Variants in SLC7A14 observed in about 807,000 individuals in gnomAD.
The protein encoded by SLC7A14 is gamma-aminobutyric acid transporter SLC7A14.
In SLC7A14, 37 loss-of-function variants were observed where a neutral mutation model predicts 60.2. That is an observed-to-expected ratio of 0.61 (90% CI 0.47 to 0.81). The LOEUF (loss-of-function observed/expected upper bound fraction) is 0.81, where lower values mean the gene tolerates loss of function less well. SLC7A14 is among the 30% of genes least tolerant of loss of function. The probability of loss-of-function intolerance (pLI) is 0.00; values close to 1 mark genes in which losing one functional copy is unlikely to be tolerated. For missense variants in SLC7A14, 886 were observed against 982.7 expected (o/e 0.90, Z 1.32); for synonymous variants, 399 against 395.8 (o/e 1.01, Z -0.10).
At chr3:170,577,432 C>A (rs2108317848) in intron 1 of SLC7A14, among the ~76,000 whole-genome samples, 1 of 151,348 alleles carries the variant, frequency 6.6e-6, no homozygotes. Flanking sequence ...TCCTGGCTAA[C>A]AAGGTGAAAC....
chr3:170,516,213 T>G (rs945998083), intron 2 of SLC7A14, among the ~76,000 whole-genome samples: 1 of 152,198 alleles, frequency 6.6e-6, no homozygotes, highest in East Asian at 1.9e-4. Context: ...GATCCCTATA[T>G]AGAAGAGCTA....
At chr3:170,580,383 C>G (rs1272445607) in intron 1 of SLC7A14, among the ~76,000 whole-genome samples, 1 of 152,176 alleles carries the variant, frequency 6.6e-6, no homozygotes, top group African/African-American at 2.4e-5. Flanking sequence ...GGCATTTTCC[C>G]CTTTCCAAAA....
At chr3:170,491,461 T>G (rs1470136042) in intron 4 of SLC7A14, among the ~76,000 whole-genome samples, 2 of 152,152 alleles carry the variant, frequency 1.3e-5, no homozygotes, top group Non-Finnish European at 2.9e-5. Flanking sequence ...CAAGATAATT[T>G]ATTAATAACG....
At chr3:170,485,924 C>A (rs1459395456) in intron 5 of SLC7A14, among the ~76,000 whole-genome samples, 1 of 152,152 alleles carries the variant, frequency 6.6e-6, no homozygotes, top group East Asian at 1.9e-4. Flanking sequence ...GACCTGAGCT[C>A]CTTGGATGGC....
At chr3:170,552,935 T>C (rs541529968) in intron 1 of SLC7A14, among the ~76,000 whole-genome samples, 2 of 152,350 alleles carry the variant, frequency 1.3e-5, no homozygotes, top group South Asian at 4.1e-4. Context: ...TGTGAGATTA[T>C]TGATCTCCAC....
Position 170,585,564 on chromosome 3 carries a change from C to T in SLC7A14, c.-153+347G>A, listed in dbSNP as rs931156854. Reference sequence around the variant, plus strand: ...ACCTAGGCTGCCCGCATTCCGCTCGCGGCTCCCCTTCTGCCTCCCGCTCTA... The same window carrying T: ...ACCTAGGCTGCCCGCATTCCGCTCGTGGCTCCCCTTCTGCCTCCCGCTCTA... On this transcript the variant is annotated intron_variant, in intron 1 of 7. Coordinates refer to ENST00000231706, the MANE Select transcript of SLC7A14 (RefSeq NM_020949.3). The surrounding 1 kb of genome is among the most constrained non-coding windows in gnomAD (Gnocchi z 5.1). Among the ~76,000 whole-genome samples the T allele has an allele frequency of 1.3e-5, 2 of 152,158 alleles. No individual in the cohort carries two copies. The highest frequency in any genetic ancestry group is 2.9e-5 in the Non-Finnish European group (2 of 68,020).
chr3:170,483,902 C>T (rs970448169), intron 5 of SLC7A14, among the ~76,000 whole-genome samples: 1 of 152,204 alleles, frequency 6.6e-6, no homozygotes, highest in African/African-American at 2.4e-5. Flanking sequence ...TGGCAGGGAC[C>T]ATGAGCACCC....
At chr3:170,508,245 G>A (rs1040960750) in intron 2 of SLC7A14, among the ~76,000 whole-genome samples, 2 of 152,198 alleles carry the variant, frequency 1.3e-5, no homozygotes, top group African/African-American at 4.8e-5. Context: ...CAGAAAGACT[G>A]TCCAAAAGGA....
rs563257501 is a variant in SLC7A14, at chr3:170,523,449, C to T, written c.304+3184G>A. Among the ~76,000 whole-genome samples, 24 of 152,278 alleles carry T rather than the reference C, an allele frequency of 1.6e-4. 1 individual carries two copies. In the East Asian group the frequency reaches 3.5e-3, roughly 22 times the overall value. ...GATTCCACCACTTTTCATGAGTCAT[C>T]GTCACTCTTGTGTTTCACTTCCCTT... On this transcript the variant is annotated intron_variant, in intron 2 of 7. Transcript: ENST00000231706.
chr3:170,515,318 C>CA (rs1264936349), intron 2 of SLC7A14, among the ~76,000 whole-genome samples: 3 of 96,608 alleles, frequency 3.1e-5, no homozygotes, highest in African/African-American at 4.6e-5. Flanking sequence ...GTCCGCCCCC[C>CA]CCAAAAAAAA....
intron 1 of SLC7A14, among the ~76,000 whole-genome samples, chr3:170,534,154 T>G (rs1399841861): frequency 6.6e-6 from 1 of 152,238 alleles, no homozygotes; most frequent in Non-Finnish European, 1.5e-5. Flanking sequence ...TGGTGATGTT[T>G]GTCTCTTGCT....
intron 2 of SLC7A14, among the ~76,000 whole-genome samples, chr3:170,508,275 T>C (rs1240951480): frequency 6.6e-6 from 1 of 152,116 alleles, no homozygotes; most frequent in Non-Finnish European, 1.5e-5. Flanking sequence ...TCAAGAATTA[T>C]GAGAGGGAGT....
In SLC7A14 at chr3:170,480,366, G is replaced by T. The variant is rs1171375194; in HGVS notation, c.1916C>A (p.Ala639Asp). 1 of 1,605,432 alleles carries T rather than the reference G, an allele frequency of 6.2e-7. No individual in the cohort carries two copies. Among genetic ancestry groups the T allele is most frequent in the South Asian group, 1.1e-5 (1 of 89,622 alleles). ...APCLPFVPAFAMLVNIYLMLK... is the reference protein window; with the variant it reads ...APCLPFVPAFDMLVNIYLMLK... ...CATGAGATAGATGTTCACCAGCATGGCAAAGGCAGGCACAAAGGGGAGGCA... is the reference window on the plus strand; with the variant it reads ...CATGAGATAGATGTTCACCAGCATGTCAAAGGCAGGCACAAAGGGGAGGCA... The change falls in exon 7 of 8, where the codon GCC becomes GAC. Residue 639 changes from alanine to aspartate, a missense_variant. By Grantham distance (126) the Ala-to-Asp change is moderately radical. Transcript: ENST00000231706.
intron 1 of SLC7A14, among the ~76,000 whole-genome samples, chr3:170,556,575 A>G (rs1714490295): frequency 6.6e-6 from 1 of 152,198 alleles, no homozygotes; most frequent in Non-Finnish European, 1.5e-5. Context: ...ATCTCAGTAA[A>G]TCACTTAGGC....
intron 2 of SLC7A14, among the ~76,000 whole-genome samples, chr3:170,518,101 T>G (rs1324821049): frequency 6.6e-6 from 1 of 152,184 alleles, no homozygotes; most frequent in Non-Finnish European, 1.5e-5. Flanking sequence ...GGAAGCTCCT[T>G]TAACCTCTGA....
At position 170,563,577 on chromosome 3, in the gene SLC7A14, C is replaced by G. The variant is rs545164152; in HGVS notation, c.-153+22334G>C. Among the ~76,000 whole-genome samples the G allele has an allele frequency of 1.1e-4, 16 of 152,080 alleles. No homozygotes were observed. In the East Asian group the frequency reaches 3.1e-3, roughly 29 times the overall value. On this transcript the variant is annotated intron_variant, in intron 1 of 7. Transcript: ENST00000231706. The stretch of plus-strand genomic sequence containing the variant: ...GGATTACAGGCACCCACCATCATGC[C>G]CAGCTAATTTTTGTATTTTTTTTAG...
Position 170,467,228 on chromosome 3 carries a change from C to A in SLC7A14, c.2143G>T (p.Glu715Ter), listed in dbSNP as rs530931888. The A allele has an allele frequency of 6.2e-7, 1 of 1,614,136 alleles. No individual in the cohort carries two copies. The highest frequency in any genetic ancestry group is 8.5e-7 in the Non-Finnish European group (1 of 1,180,054). ...GGCCCGCCCCAGTCCTCCTGGCTCTCGCCCTCTGTGGCGTAGGAGAAACCC... is the reference window on the plus strand; with the variant it reads ...GGCCCGCCCCAGTCCTCCTGGCTCTAGCCCTCTGTGGCGTAGGAGAAACCC... Reference protein sequence around the residue: ...EEGFSYATEGESQEDWGGPTE... With the variant: ...EEGFSYATEG Residue 715 changes from glutamate to a stop codon, truncating the protein, a stop_gained, in exon 8 of 8, where the codon GAG becomes TAG. Transcript: ENST00000231706. LOFTEE classifies it high-confidence loss of function.
In SLC7A14 at chr3:170,463,514, C is replaced by G. The variant is rs944267896; in HGVS notation, c.*3541G>C. On this transcript the variant is annotated 3_prime_UTR_variant, in exon 8 of 8. Transcript: ENST00000231706. ...TTCTTTATTTATATATCCCATTTCC[C>G]CTATTTGATTTTCCTTTTTAAGAGA... The G allele has an allele frequency of 2.0e-5, 3 of 152,034 alleles. No homozygotes were observed. Among genetic ancestry groups the G allele is most frequent in the African/African-American group, 7.3e-5 (3 of 41,374 alleles). 9.4% of individuals were successfully genotyped at this position (152,034 alleles called of 1,614,324 possible). A position where few individuals can be genotyped will look rare whatever the true frequency, so the allele number is the denominator to read the frequency against.
In SLC7A14 at chr3:170,547,466, G is replaced by C. The variant is rs568291666; in HGVS notation, c.-152-20378C>G. ...TAAATGGTCAACACATATTTTGTAT[G>C]TCATATATATTATATACTGTATTCT... is the stretch of plus-strand genomic sequence containing the variant. On this transcript the variant is annotated intron_variant, in intron 1 of 7. Transcript: ENST00000231706. Among the ~76,000 whole-genome samples the C allele has an allele frequency of 4.6e-5, 7 of 152,176 alleles. No homozygotes were observed. In the South Asian group the frequency reaches 1.2e-3, roughly 27 times the overall value.
Sources: gnomAD v4.1 joint callset for allele counts (sites outside exome capture counted in the v4.1 genomes callset) on GRCh38, gnomAD v4.1.1 for gene constraint, Gnocchi (gnomAD v3.1) non-coding constraint, MANE v1.5 for transcripts, NCBI Gene and HGNC (gene_info 2026-07-23, HGNC 2026-07-21) for gene names.